CFAP144: variants seen among roughly 807,000 people sequenced by gnomAD.
CFAP144 encodes cilia and flagella associated protein 144.
chr1:43,147,585 A>G, the CFAP144 span, among the ~76,000 whole-genome samples: 1 of 152,168 alleles, frequency 6.6e-6, no homozygotes, highest in Non-Finnish European at 1.5e-5. Flanking sequence ...TTTTTTAGGA[A>G]ATGATTGGCC....
the CFAP144 span, among the ~76,000 whole-genome samples, chr1:43,154,451 C>A: frequency 7.1e-6 from 1 of 140,592 alleles, no homozygotes; most frequent in Non-Finnish European, 1.5e-5. Context: ...CATATATACG[C>A]ACCTACAAGG....
At chr1:43,156,028 G>A in the CFAP144 span, among the ~76,000 whole-genome samples, 55 of 152,308 alleles carry the variant, frequency 3.6e-4, no homozygotes, top group African/African-American at 1.1e-3. Flanking sequence ...ACGACTGTGC[G>A]TAGGTTATTC....
At chr1:43,148,056 G>C in the CFAP144 span, 1 of 1,613,858 alleles carries the variant, frequency 6.2e-7, no homozygotes. Flanking sequence ...AACTCTACAC[G>C]CAGTATCACG....
chr1:43,153,212 A>G, the CFAP144 span, among the ~76,000 whole-genome samples: 7 of 152,226 alleles, frequency 4.6e-5, no homozygotes, highest in Admixed American at 4.6e-4. Flanking sequence ...GTGTTTAAAT[A>G]AAGGTACTGA....
the CFAP144 span, chr1:43,147,886 A>G: frequency 1.9e-5 from 30 of 1,591,200 alleles, no homozygotes; most frequent in Middle Eastern, 1.7e-4. Context: ...GCCTGGAGAC[A>G]GCGGGGACGC....
At chr1:43,145,316 C>T in the CFAP144 span, 1 of 1,542,600 alleles carries the variant, frequency 6.5e-7, no homozygotes, top group Non-Finnish European at 8.8e-7. Flanking sequence ...TGTCGATCTG[C>T]CCTGCATTCA....
chr1:43,154,647 G>A, the CFAP144 span, among the ~76,000 whole-genome samples: 2 of 151,856 alleles, frequency 1.3e-5, no homozygotes, highest in East Asian at 3.8e-4. Flanking sequence ...AAAACCAGAA[G>A]GAATGGTACT....
At chr1:43,156,227 C>T in the CFAP144 span, 114 of 1,613,790 alleles carry the variant, frequency 7.1e-5, no homozygotes, top group African/African-American at 9.3e-5. Flanking sequence ...ACGCCATGAC[C>T]GCAGGCTGAA....
the CFAP144 span, among the ~76,000 whole-genome samples, chr1:43,144,453 TGAAA>T: frequency 6.6e-6 from 1 of 152,210 alleles, no homozygotes; most frequent in Non-Finnish European, 1.5e-5. Context: ...AGCTCCCATT[TGAAA>T]GAATGACAAG....
At chr1:43,150,812 C>A in the CFAP144 span, 1 of 1,609,494 alleles carries the variant, frequency 6.2e-7, no homozygotes, top group Non-Finnish European at 8.5e-7. Context: ...CTGGAGGAAC[C>A]TGCAGATGGT....
chr1:43,151,726 G>A, the CFAP144 span, among the ~76,000 whole-genome samples: 1 of 152,122 alleles, frequency 6.6e-6, no homozygotes, highest in Non-Finnish European at 1.5e-5. Flanking sequence ...TACCTTCCAT[G>A]AGCAAAATTT....
At chr1:43,147,317 T>C in the CFAP144 span, among the ~76,000 whole-genome samples, 6 of 152,364 alleles carry the variant, frequency 3.9e-5, no homozygotes, top group East Asian at 1.9e-4. Context: ...TTAATACTAC[T>C]GTACTGTAAT....
chr1:43,152,904 G>A, the CFAP144 span: 2 of 1,613,438 alleles, frequency 1.2e-6, no homozygotes, highest in Non-Finnish European at 1.7e-6. Context: ...CTGAAAACCA[G>A]GAAGTTGGAT....
chr1:43,156,069 A>T, the CFAP144 span: 4 of 700,032 alleles, frequency 5.7e-6, no homozygotes, highest in Non-Finnish European at 1.0e-5. Context: ...TTTGATGTAC[A>T]TGTGGTCATC....
the CFAP144 span, chr1:43,145,411 C>A: frequency 2.5e-6 from 2 of 809,440 alleles, no homozygotes; most frequent in South Asian, 1.5e-5. Flanking sequence ...TTCCTTTGGT[C>A]TGGTTCCTCC....
At chr1:43,147,983 CAG>C in the CFAP144 span, 2 of 1,613,898 alleles carry the variant, frequency 1.2e-6, no homozygotes, top group African/African-American at 2.7e-5. Flanking sequence ...AAGGTGATTC[CAG>C]ATGAGGTCCA....
chr1:43,154,482 C>T, the CFAP144 span, among the ~76,000 whole-genome samples: 1 of 150,276 alleles, frequency 6.7e-6, no homozygotes, highest in African/African-American at 2.5e-5. Flanking sequence ...TACAAAGAGA[C>T]AGGTATGGTT....
chr1:43,152,388 G>T, the CFAP144 span, among the ~76,000 whole-genome samples: 1 of 152,176 alleles, frequency 6.6e-6, no homozygotes, highest in South Asian at 2.1e-4. Flanking sequence ...CTCTTCCCAG[G>T]GCTGGCTCCT....
the CFAP144 span, among the ~76,000 whole-genome samples, chr1:43,154,839 G>A: frequency 6.6e-6 from 1 of 152,026 alleles, no homozygotes; most frequent in Non-Finnish European, 1.5e-5. Context: ...GCCAAGGAAC[G>A]AGGTGGGGGT....
Sources: gnomAD v4.1 joint callset for allele counts (sites outside exome capture counted in the v4.1 genomes callset) on GRCh38, gnomAD v4.1.1 for gene constraint, MANE v1.5 for transcripts, NCBI Gene and HGNC (gene_info 2026-07-23, HGNC 2026-07-21) for gene names.